Variants in RXYLT1 observed in about 807,000 individuals in gnomAD.
RXYLT1 encodes ribitol-5-phosphate xylosyltransferase 1.
RXYLT1 carries 41 observed loss-of-function variants against 43.5 expected under a neutral mutation model. The observed-to-expected ratio is 0.94, with a 90% confidence interval of 0.73 to 1.22. RXYLT1 has a LOEUF of 1.22. Among genes scored for constraint, RXYLT1 ranks in the 50% most tolerant of loss-of-function variants. RXYLT1 has a pLI of 0.00. For synonymous variants in RXYLT1, 166 were observed against 194.4 expected (o/e 0.85, Z 1.21); for missense variants, 514 against 532.0 (o/e 0.97, Z 0.33).
At position 63,780,071 on chromosome 12, in the gene RXYLT1, C is replaced by T. The variant is rs770325362; in HGVS notation, c.111C>T (p.Ala37=). 2 of 1,598,204 alleles carry T rather than the reference C, an allele frequency of 1.3e-6. No individual in the cohort carries two copies. The highest frequency in any genetic ancestry group is 1.7e-5 in the Admixed American group (1 of 58,964). Residue 37 remains alanine (A), a synonymous_variant, in exon 1 of 6, where the codon GCC becomes GCT. Transcript: ENST00000261234. ...VFFGRRRQAP[A]GSPRGLRKGA... The stretch of plus-strand genomic sequence containing the variant: ...TCGGGCGCCGCCGCCAGGCGCCGGC[C>T]GGGTCCCCGCGGGGCCTCAGGAAGG...
chr12:63,792,202 G>A (rs1175992381), intron 3 of RXYLT1, among the ~76,000 whole-genome samples: 1 of 152,182 alleles, frequency 6.6e-6, no homozygotes, highest in African/African-American at 2.4e-5. Flanking sequence ...TGTAGTAAAT[G>A]GAATCTTGAA....
chr12:63,783,441 A>C (rs1565899132), intron 2 of RXYLT1, among the ~76,000 whole-genome samples: 1 of 151,996 alleles, frequency 6.6e-6, no homozygotes, highest in Non-Finnish European at 1.5e-5. Context: ...AGCCTGGGCG[A>C]CAGAGCGAGA....
chr12:63,797,722 A>G (rs544771771), intron 3 of RXYLT1, among the ~76,000 whole-genome samples: 4 of 152,252 alleles, frequency 2.6e-5, no homozygotes, highest in Admixed American at 2.6e-4. Flanking sequence ...TCATGTGTTT[A>G]TGTGTGTAGA....
intron 3 of RXYLT1, among the ~76,000 whole-genome samples, chr12:63,801,584 C>G (rs1898159538): frequency 6.6e-6 from 1 of 152,098 alleles, no homozygotes; most frequent in South Asian, 2.1e-4. Context: ...CTTTGGGAGA[C>G]TGAGGTAGGT....
intron 3 of RXYLT1, among the ~76,000 whole-genome samples, chr12:63,798,068 T>TATC (rs1163507439): frequency 6.6e-5 from 10 of 152,116 alleles, no homozygotes; most frequent in African/African-American, 1.9e-4. Context: ...AACATCTACC[T>TATC]ATCTCCTCTT....
chr12:63,798,693 T>G (rs1898087933), intron 3 of RXYLT1, among the ~76,000 whole-genome samples: 1 of 152,200 alleles, frequency 6.6e-6, no homozygotes, highest in African/African-American at 2.4e-5. Context: ...TATCAGGACT[T>G]TGTGAAGCTG....
chr12:63,803,343 G>A (rs891828886), intron 4 of RXYLT1, among the ~76,000 whole-genome samples: 8 of 151,646 alleles, frequency 5.3e-5, no homozygotes, highest in African/African-American at 1.9e-4. Context: ...TGAGAGCAGG[G>A]ATTTTTGTCT....
At position 63,808,781 on chromosome 12, in the gene RXYLT1, A is replaced by G. The variant is rs946835149; in HGVS notation, c.1021A>G (p.Ile341Val). 3 of 1,613,262 alleles carry G rather than the reference A, an allele frequency of 1.9e-6. No individual in the cohort carries two copies. The highest frequency in any genetic ancestry group is 2.5e-6 in the Non-Finnish European group (3 of 1,179,910). ...PVGVNTECYRIYEACSYGSIP... is the reference protein window; with the variant it reads ...PVGVNTECYRVYEACSYGSIP... ...CGGAGTAAACACAGAATGCTATCGAATCTATGAGGCTTGCTCCTATGGCTC... is the reference window on the plus strand; with the variant it reads ...CGGAGTAAACACAGAATGCTATCGAGTCTATGAGGCTTGCTCCTATGGCTC... Residue 341 changes from isoleucine to valine, a missense_variant, in exon 6 of 6, where the codon ATC becomes GTC. Ile to Val is a conservative substitution (Grantham distance 29). Transcript: ENST00000261234.
Position 63,780,054 on chromosome 12 carries a change from C to T in RXYLT1, c.94C>T (p.Arg32Cys). 6.2e-7 allele frequency: 1 copy of T among 1,604,490 alleles called. No homozygotes were observed. Among genetic ancestry groups the T allele is most frequent in the Non-Finnish European group, 8.5e-7 (1 of 1,177,278 alleles). Reference sequence around the variant, plus strand: ...TGCCTACCACGTCTTCTTCGGGCGCCGCCGCCAGGCGCCGGCCGGGTCCCC... The same window carrying T: ...TGCCTACCACGTCTTCTTCGGGCGCTGCCGCCAGGCGCCGGCCGGGTCCCC... ...YAAYHVFFGRRRQAPAGSPRG... is the reference protein window; with the variant it reads ...YAAYHVFFGRCRQAPAGSPRG... Residue 32 changes from arginine (R) to cysteine (C), a missense_variant, in exon 1 of 6, where the codon CGC becomes TGC. Transcript: ENST00000261234.
chr12:63,790,617 G>A, intron 3 of RXYLT1: 1 of 152,386 alleles, frequency 6.6e-6, no homozygotes, highest in Non-Finnish European at 1.5e-5. Context: ...CCACCTCCCG[G>A]GTTCAAACGA....
At position 63,805,383 on chromosome 12, in the gene RXYLT1, G is replaced by T. The variant is rs758711626; in HGVS notation, c.893G>T (p.Cys298Phe). The T allele has an allele frequency of 5.0e-6, 8 of 1,605,430 alleles. No homozygotes were observed. The East Asian group carries it at 1.8e-4, about 36-fold the overall frequency. Residue 298 changes from cysteine (C) to phenylalanine (F), a missense_variant, in exon 5 of 6, where the codon TGT (cysteine) becomes TTT (phenylalanine). Coordinates refer to ENST00000261234, the MANE Select transcript of RXYLT1 (RefSeq NM_014254.3). ...AAAAAAGATGGGAACGATAAGCTTT[G>T]TTGGGTTTCAGCAAGAGAACAGTAA... ...ILKKDGNDKL[C>F]WVSAREHWQP...
intron 4 of RXYLT1, among the ~76,000 whole-genome samples, chr12:63,803,363 A>G (rs1043171525): frequency 6.6e-6 from 1 of 152,014 alleles, no homozygotes; most frequent in Non-Finnish European, 1.5e-5. Flanking sequence ...TCTTTTGTTC[A>G]CTGTTCTATC....
At chr12:63,780,185 G>GGCGGCTGGGGCCGGGTCCCC in intron 1 of RXYLT1, 56 bp downstream of exon 1, 1 of 1,401,790 alleles carries the variant, frequency 7.1e-7, no homozygotes, top group Non-Finnish European at 9.2e-7. Context: ...GGGGCTGCTG[G>GGCGGCTGGGGCCGGGTCCCC]GCGGCTGGGG....
At chr12:63,782,267 G>T (rs1455615502) in intron 2 of RXYLT1, among the ~76,000 whole-genome samples, 3 of 152,052 alleles carry the variant, frequency 2.0e-5, no homozygotes, top group East Asian at 1.9e-4. Flanking sequence ...AAAAATTGAA[G>T]TAAAAAAGTG....
intron 5 of RXYLT1, 194 bp downstream of exon 5, chr12:63,805,598 G>T (rs972399890): frequency 2.2e-6 from 1 of 454,438 alleles, no homozygotes; most frequent in African/African-American, 2.0e-5. Flanking sequence ...GCCTATGACT[G>T]TAGTCCATCT....
At chr12:63,799,497 T>C (rs1047382110) in intron 3 of RXYLT1, among the ~76,000 whole-genome samples, 1 of 151,958 alleles carries the variant, frequency 6.6e-6, no homozygotes, top group African/African-American at 2.4e-5. Flanking sequence ...CACCATATTG[T>C]GTAGGCTGGT....
At chr12:63,800,453 AT>A (rs1898134341) in intron 3 of RXYLT1, among the ~76,000 whole-genome samples, 1 of 152,242 alleles carries the variant, frequency 6.6e-6, no homozygotes, top group Middle Eastern at 3.2e-3. Flanking sequence ...GTTGTAAAGA[AT>A]CTAGGATAAG....
intron 4 of RXYLT1, chr12:63,804,392 A>G (rs572495829): frequency 6.6e-5 from 10 of 152,310 alleles, no homozygotes; most frequent in African/African-American, 2.2e-4. Flanking sequence ...AATCCCTGGT[A>G]TTTCCAAATG....
rs1240468651 is a variant in RXYLT1, at chr12:63,794,679, A to G, written c.429-7412A>G. Among the ~76,000 whole-genome samples, 3 of 152,284 alleles carry G rather than the reference A, an allele frequency of 2.0e-5. No homozygotes were observed. The East Asian group carries it at 5.8e-4, about 29-fold the overall frequency. ...TTCCTAAAGGGCCTTTTGACCGGGC[A>G]TGGTGGCTCACTCCCATAATCCCAG... On this transcript the variant is annotated intron_variant, in intron 3 of 5. Coordinates refer to ENST00000261234, the MANE Select transcript of RXYLT1 (RefSeq NM_014254.3).
Sources: allele counts gnomAD v4.1 joint callset (sites outside exome capture counted in the v4.1 genomes callset), GRCh38; gene constraint gnomAD v4.1.1; transcripts MANE v1.5; gene names NCBI Gene and HGNC (gene_info 2026-07-23, HGNC 2026-07-21).